The following LIMD1 variants were observed in gnomAD, a reference collection of about 807,000 sequenced individuals.
LIMD1 encodes the protein LIM domain containing 1, also known as LIM domain-containing protein 1.
LIMD1 carries 23 observed loss-of-function variants against 58.4 expected under a neutral mutation model. The ratio of observed to expected loss-of-function variants is 0.39; its 90% CI spans 0.28 to 0.56. The LOEUF (loss-of-function observed/expected upper bound fraction) is 0.56. LIMD1 is among the 20% of genes least tolerant of loss of function. LIMD1 has a pLI of 0.57. For missense variants in LIMD1, 838 were observed against 855.5 expected (o/e 0.98, Z 0.25); for synonymous variants, 334 against 345.5 (o/e 0.97, Z 0.37).
intron 1 of LIMD1, among the ~76,000 whole-genome samples, chr3:45,628,152 T>G (rs1472021204): frequency 6.6e-6 from 1 of 152,110 alleles, no homozygotes; most frequent in Non-Finnish European, 1.5e-5. Context: ...TTCCAGGCCT[T>G]GGCACAGGGA....
intron 2 of LIMD1, among the ~76,000 whole-genome samples, chr3:45,639,476 T>TC (rs1429031726): frequency 2.0e-5 from 3 of 152,120 alleles, no homozygotes; most frequent in Non-Finnish European, 4.4e-5. Flanking sequence ...TGCTGGAAAG[T>TC]CCAAGATCAA....
At chr3:45,634,830 G>A (rs774684754) in intron 1 of LIMD1, 4 of 152,310 alleles carry the variant, frequency 2.6e-5, no homozygotes, top group South Asian at 4.1e-4. Flanking sequence ...CAGATGGAAG[G>A]AACCTCTATT....
At chr3:45,611,669 A>C (rs1701523588) in intron 1 of LIMD1, among the ~76,000 whole-genome samples, 1 of 152,196 alleles carries the variant, frequency 6.6e-6, no homozygotes, top group African/African-American at 2.4e-5. Context: ...CCTGTGGCCA[A>C]TGCAGGGGCA....
At chr3:45,652,862 C>T (rs1701988973) in intron 2 of LIMD1, among the ~76,000 whole-genome samples, 1 of 152,174 alleles carries the variant, frequency 6.6e-6, no homozygotes, top group South Asian at 2.1e-4. Flanking sequence ...CATCTCTGAT[C>T]CAGACGATAA....
At chr3:45,650,686 A>G (rs908084921) in intron 2 of LIMD1, among the ~76,000 whole-genome samples, 1 of 152,082 alleles carries the variant, frequency 6.6e-6, no homozygotes, top group African/African-American at 2.4e-5. Context: ...TTATGGCTGC[A>G]TAGTATTCCG....
At chr3:45,644,927 T>G (rs556841115) in intron 2 of LIMD1, among the ~76,000 whole-genome samples, 5 of 152,304 alleles carry the variant, frequency 3.3e-5, no homozygotes, top group Non-Finnish European at 1.5e-5. Flanking sequence ...GCACCCATAG[T>G]AGAGAAATGG....
chr3:45,674,601 A>G, intron 7 of LIMD1, 190 bp downstream of exon 7: 1 of 565,748 alleles, frequency 1.8e-6, no homozygotes, highest in South Asian at 2.3e-5. Flanking sequence ...TCAAGGTATA[A>G]AGGTCTTTCT....
rs980131897 is a variant in LIMD1, at chr3:45,686,100, C to G, written c.*9041C>G. On this transcript the variant is annotated 3_prime_UTR_variant, in exon 8 of 8. Coordinates refer to ENST00000273317, the MANE Select transcript of LIMD1 (RefSeq NM_014240.3). ...ATTGATAACGCCCAAAGCCCCGGGT[C>G]TATCACCTTGTAATAGTCTTAAAGC... 6.6e-6 allele frequency: 1 copy of G among 152,200 alleles called. No homozygotes were observed. Among genetic ancestry groups the G allele is most frequent in the African/African-American group, 2.4e-5 (1 of 41,432 alleles). 9.4% of individuals were successfully genotyped at this position (152,200 alleles called of 1,614,324 possible).
At chr3:45,672,327 C>T (rs180811000) in intron 4 of LIMD1, among the ~76,000 whole-genome samples, 13 of 152,270 alleles carry the variant, frequency 8.5e-5, no homozygotes, top group African/African-American at 2.6e-4. Context: ...CCCACTTCTT[C>T]GTGGTGGATT....
intron 1 of LIMD1, among the ~76,000 whole-genome samples, chr3:45,596,946 C>T (rs1460272885): frequency 6.6e-6 from 1 of 150,992 alleles, no homozygotes; most frequent in African/African-American, 2.4e-5. Flanking sequence ...ACTGCAACCT[C>T]CGCCTCCCGG....
chr3:45,615,493 G>A (rs1701567479), intron 1 of LIMD1, among the ~76,000 whole-genome samples: 1 of 152,120 alleles, frequency 6.6e-6, no homozygotes, highest in Admixed American at 6.6e-5. Context: ...TTCTGGCTGG[G>A]CAGTAATCCC....
At position 45,594,828 on chromosome 3, in the gene LIMD1, C is replaced by CACACACACACACAA. The variant is rs1701322780; in HGVS notation, c.-39_-38insAACACACACACACA. The CACACACACACACAA allele has an allele frequency of 1.1e-6, 1 of 894,980 alleles. No homozygotes were observed. Among genetic ancestry groups the CACACACACACACAA allele is most frequent in the Middle Eastern group, 3.4e-4 (1 of 2,948 alleles). The allele number at this position is 894,980 out of a possible 1,614,324, so 55.4% of individuals were successfully genotyped here. On this transcript the variant is annotated 5_prime_UTR_variant, in exon 1 of 8. Coordinates refer to ENST00000273317, the MANE Select transcript of LIMD1 (RefSeq NM_014240.3). ...ACACACACACACACACACACACACACACACACACACACACACGGCACCTGG... is the reference window on the plus strand; with the variant it reads ...ACACACACACACACACACACACACACACACACACACACAAACACACACACACACACGGCACCTGG...
chr3:45,620,820 G>A (rs181757179), intron 1 of LIMD1, among the ~76,000 whole-genome samples: 9 of 152,306 alleles, frequency 5.9e-5, no homozygotes, highest in East Asian at 5.8e-4. Context: ...AAGCTCTTGC[G>A]CTAATTCCAA....
intron 1 of LIMD1, among the ~76,000 whole-genome samples, chr3:45,606,643 T>A (rs1367602129): frequency 6.6e-6 from 1 of 152,226 alleles, no homozygotes; most frequent in Admixed American, 6.5e-5. Context: ...GACCATGTCC[T>A]CAGGGGTGCT....
chr3:45,629,680 A>G (rs1701706930), intron 1 of LIMD1, among the ~76,000 whole-genome samples: 1 of 152,182 alleles, frequency 6.6e-6, no homozygotes, highest in African/African-American at 2.4e-5. Flanking sequence ...AGAGGAACAC[A>G]TCAGCGGAAG....
At chr3:45,668,530 C>T (rs536565594) in intron 4 of LIMD1, among the ~76,000 whole-genome samples, 174 bp downstream of exon 4, 3 of 152,272 alleles carry the variant, frequency 2.0e-5, no homozygotes, top group Admixed American at 6.5e-5. Flanking sequence ...GCGGGCGGAT[C>T]ACGAGGTCAG....
intron 1 of LIMD1, among the ~76,000 whole-genome samples, chr3:45,623,546 T>C (rs1701645172): frequency 6.6e-6 from 1 of 152,178 alleles, no homozygotes; most frequent in Non-Finnish European, 1.5e-5. Context: ...CCCACTGTGA[T>C]GAAGTAAGGC....
intron 2 of LIMD1, among the ~76,000 whole-genome samples, chr3:45,640,946 G>T (rs1701835320): frequency 6.6e-6 from 1 of 152,250 alleles, no homozygotes; most frequent in South Asian, 2.1e-4. Flanking sequence ...GAATGTTGGA[G>T]ACTGGGCTTG....
chr3:45,636,055 G>A, intron 1 of LIMD1, 95 bp from the exon 2 acceptor site: 1 of 1,573,092 alleles, frequency 6.4e-7, no homozygotes, highest in South Asian at 1.2e-5. Context: ...CTGGCCATGG[G>A]GAGGGATGGT....
Sources: allele counts gnomAD v4.1 joint callset (sites outside exome capture counted in the v4.1 genomes callset), GRCh38; gene constraint gnomAD v4.1.1; transcripts MANE v1.5; gene names NCBI Gene and HGNC (gene_info 2026-07-23, HGNC 2026-07-21).